GPAT3: variants seen among roughly 807,000 people sequenced by gnomAD.
GPAT3 encodes glycerol-3-phosphate acyltransferase 3.
GPAT3 carries 53 observed loss-of-function variants against 58.8 expected under a neutral mutation model. That is an observed-to-expected ratio of 0.90 (90% CI 0.72 to 1.13). The LOEUF (loss-of-function observed/expected upper bound fraction) is 1.13, where lower values mean the gene tolerates loss of function less well. GPAT3 is among the 50% of genes most tolerant of loss of function. The pLI is 0.00. For missense variants in GPAT3, 511 were observed against 527.6 expected, an observed-to-expected ratio of 0.97 and a Z score of 0.31; for synonymous variants, 197 against 187.4, an observed-to-expected ratio of 1.05 and a Z score of -0.42.
At chr4:83,580,273 G>A (rs1560622291) in intron 2 of GPAT3, among the ~76,000 whole-genome samples, 1 of 152,102 alleles carries the variant, frequency 6.6e-6, no homozygotes, top group Non-Finnish European at 1.5e-5. Context: ...CTATTGTCTA[G>A]AAATAGCTAC....
intron 11 of GPAT3, 26 bp downstream of exon 11, chr4:83,598,749 CACTTT>C: frequency 5.4e-6 from 1 of 185,390 alleles, no homozygotes; most frequent in Admixed American, 8.5e-5. Flanking sequence ...GAAGTACTAT[CACTTT>C]TTTTTTTTTT....
intron 2 of GPAT3, among the ~76,000 whole-genome samples, chr4:83,576,730 C>T (rs1424394420): frequency 2.0e-5 from 3 of 152,064 alleles, no homozygotes; most frequent in South Asian, 2.1e-4. Context: ...AGATGTGAAC[C>T]ACTATGCCCA....
Position 83,597,470 on chromosome 4 carries a change from G to T in GPAT3, c.951G>T (p.Lys317Asn). 2 of 1,575,722 alleles carry T rather than the reference G, an allele frequency of 1.3e-6. No homozygotes were observed. The highest frequency in any genetic ancestry group is 2.4e-5 in the South Asian group (2 of 81,676). ...ATACTTCAGTCATGATGTTTAAAAA[G>T]GGGAGCTTTGAAATTGGAGGAACCA... ...INNTSVMMFK[K>N]GSFEIGGTIH... Residue 317 changes from lysine to asparagine, a missense_variant, in exon 9 of 12, where the codon AAG (lysine) becomes AAT (asparagine). Coordinates refer to ENST00000264409, the MANE Select transcript of GPAT3 (RefSeq NM_032717.5).
chr4:83,590,856 T>C lies in GPAT3; in HGVS notation c.738+564T>C, dbSNP rs553370276. ...AAAACTGTACATCTCAAAACAGCCT[T>C]TCTTGGGGATGAATATAGGAATCAT... On this transcript the variant is annotated intron_variant, in intron 6 of 11. Transcript: ENST00000264409. Among the ~76,000 whole-genome samples the C allele has an allele frequency of 7.9e-5, 12 of 151,722 alleles. No individual in the cohort carries two copies. In the South Asian group the frequency reaches 2.5e-3, roughly 32 times the overall value.
At chr4:83,566,419 T>TTAATTTATTATTATTA (rs141548038) in intron 2 of GPAT3, among the ~76,000 whole-genome samples, 8 of 143,594 alleles carry the variant, frequency 5.6e-5, no homozygotes, top group African/African-American at 2.1e-4. Flanking sequence ...AATTAATTAA[T>TTAATTTATTATTATTA]TTATTATTAT....
intron 2 of GPAT3, among the ~76,000 whole-genome samples, chr4:83,551,391 A>G (rs1724742388): frequency 6.6e-6 from 1 of 152,214 alleles, no homozygotes; most frequent in Non-Finnish European, 1.5e-5. Context: ...TGGAAATTAT[A>G]TATACTATAG....
chr4:83,585,552 C>T (rs561931262), intron 3 of GPAT3, among the ~76,000 whole-genome samples: 1 of 151,628 alleles, frequency 6.6e-6, no homozygotes, highest in Non-Finnish European at 1.5e-5. Context: ...GCTGCATGTT[C>T]AGATGTGTTA....
At chr4:83,587,191 A>T in intron 3 of GPAT3, 64 bp from the exon 4 acceptor site, 1 of 1,285,998 alleles carries the variant, frequency 7.8e-7, no homozygotes, top group Non-Finnish European at 1.1e-6. Context: ...ATTATTTAGG[A>T]ACTTTTTGGT....
intron 2 of GPAT3, among the ~76,000 whole-genome samples, chr4:83,559,481 G>C (rs542803953): frequency 6.6e-6 from 1 of 152,106 alleles, no homozygotes; most frequent in South Asian, 2.1e-4. Context: ...ATGCTGCCAC[G>C]CCTGGCTAAT....
At chr4:83,541,570 A>G (rs1724305398) in intron 1 of GPAT3, among the ~76,000 whole-genome samples, 1 of 152,088 alleles carries the variant, frequency 6.6e-6, no homozygotes, top group Non-Finnish European at 1.5e-5. Context: ...TGTGTTATGC[A>G]GGGTAGACCT....
intron 2 of GPAT3, among the ~76,000 whole-genome samples, chr4:83,570,810 A>C (rs1409202424): frequency 6.6e-6 from 1 of 151,608 alleles, no homozygotes; most frequent in Admixed American, 6.6e-5. Flanking sequence ...TTTTCTGATT[A>C]AAAAAAAATT....
In GPAT3 at chr4:83,536,775, G is replaced by A; in HGVS notation, c.141+12G>A. Reference sequence around the variant, plus strand: ...TGAAAACTTTAGAGGTGAGTGCCGGGAGGGATGCAGCCAGCCCCACACCGC... The same window carrying A: ...TGAAAACTTTAGAGGTGAGTGCCGGAAGGGATGCAGCCAGCCCCACACCGC... On this transcript the variant is annotated intron_variant, in intron 1 of 11. Transcript: ENST00000264409. 6.2e-7 allele frequency: 1 copy of A among 1,601,440 alleles called. No homozygotes were observed. The highest frequency in any genetic ancestry group is 8.5e-7 in the Non-Finnish European group (1 of 1,174,580).
At chr4:83,598,411 G>T (rs1726928965) in intron 10 of GPAT3, 1 of 699,510 alleles carries the variant, frequency 1.4e-6, no homozygotes, top group Non-Finnish European at 2.3e-6. Flanking sequence ...ATATTATCTT[G>T]GGTAAGACTA....
intron 2 of GPAT3, among the ~76,000 whole-genome samples, chr4:83,547,095 T>G (rs1163531413): frequency 6.6e-6 from 1 of 151,886 alleles, no homozygotes; most frequent in Non-Finnish European, 1.5e-5. Context: ...TACCAAAGTT[T>G]AGGCAAGGGT....
chr4:83,569,078 T>C (rs1243322588), intron 2 of GPAT3, among the ~76,000 whole-genome samples: 1 of 152,212 alleles, frequency 6.6e-6, no homozygotes, highest in Non-Finnish European at 1.5e-5. Flanking sequence ...TAAATCAGCT[T>C]CATTTGTAAG....
chr4:83,586,531 A>G (rs1363046053), intron 3 of GPAT3, among the ~76,000 whole-genome samples: 1 of 152,248 alleles, frequency 6.6e-6, no homozygotes, highest in Non-Finnish European at 1.5e-5. Flanking sequence ...TGACAAAGTA[A>G]GATGATTTAA....
chr4:83,561,629 G>A (rs1336008361), intron 2 of GPAT3, among the ~76,000 whole-genome samples: 5 of 152,120 alleles, frequency 3.3e-5, no homozygotes, highest in Admixed American at 1.3e-4. Context: ...ATCACAGCAT[G>A]TGCTAGTGTT....
intron 1 of GPAT3, among the ~76,000 whole-genome samples, chr4:83,541,393 C>CTTTTTTTT (rs777665390): frequency 4.4e-5 from 5 of 113,692 alleles, no homozygotes; most frequent in African/African-American, 1.0e-4. Context: ...AATTTAAAAC[C>CTTTTTTTT]TTTTTTTTTT....
chr4:83,560,939 A>G (rs1016495570), intron 2 of GPAT3, among the ~76,000 whole-genome samples: 9 of 152,262 alleles, frequency 5.9e-5, no homozygotes, highest in South Asian at 4.1e-4. Context: ...AGATGCTGCC[A>G]TGCTTCCTGT....
Sources: allele counts gnomAD v4.1 joint callset (sites outside exome capture counted in the v4.1 genomes callset), GRCh38; gene constraint gnomAD v4.1.1; transcripts MANE v1.5; gene names NCBI Gene and HGNC (gene_info 2026-07-23, HGNC 2026-07-21).